Variants in BTBD10 observed in about 807,000 individuals in gnomAD.
BTBD10 encodes BTB domain containing 10, also known as BTB/POZ domain-containing protein 10.
Under a neutral mutation model 53.2 loss-of-function variants are expected in BTBD10, and 21 were observed. The ratio of observed to expected loss-of-function variants is 0.39; its 90% confidence interval spans 0.28 to 0.57. The LOEUF (loss-of-function observed/expected upper bound fraction) is 0.57. Ranked by LOEUF, BTBD10 falls within the 20% of genes least tolerant of loss-of-function variation. BTBD10 has a pLI of 0.53. For synonymous variants in BTBD10, 149 were observed against 192.7 expected, an observed-to-expected ratio of 0.77 and a Z score of 1.88; for missense variants, 360 against 594.7, an observed-to-expected ratio of 0.61 and a Z score of 4.10.
At position 13,450,533 on chromosome 11, in the gene BTBD10, A is replaced by G. The variant is rs536412523; in HGVS notation, c.-57-5352T>C. ...ACAGAAAATGTATGATATGGATATA[A>G]CCACCATGAAAATGTTTATAATTTC... On this transcript the variant is annotated intron_variant, in intron 1 of 8. Coordinates refer to ENST00000278174, the MANE Select transcript of BTBD10 (RefSeq NM_032320.7). 2.3e-3 allele frequency among the ~76,000 whole-genome samples: 357 copies of G among 152,352 alleles called. 2 individuals are homozygous for G. The highest frequency in any genetic ancestry group is 4.0e-3 in the Non-Finnish European group (271 of 68,032).
At chr11:13,460,070 CT>C (rs1204205348) in intron 1 of BTBD10, among the ~76,000 whole-genome samples, 3 of 152,220 alleles carry the variant, frequency 2.0e-5, no homozygotes, top group African/African-American at 7.2e-5. Flanking sequence ...ATCTCCTCTT[CT>C]TTCATTTCCT....
At chr11:13,408,651 T>TAA (rs761049473) in intron 6 of BTBD10, among the ~76,000 whole-genome samples, 3 of 152,186 alleles carry the variant, frequency 2.0e-5, no homozygotes, top group Admixed American at 6.5e-5. Context: ...CCATCTCAAT[T>TAA]AATGGCAACC....
intron 8 of BTBD10, among the ~76,000 whole-genome samples, chr11:13,397,506 TG>T (rs1373759249): frequency 6.6e-6 from 1 of 152,180 alleles, no homozygotes; most frequent in African/African-American, 2.4e-5. Flanking sequence ...CTGGATTCAT[TG>T]ATTTTTTGAA....
At chr11:13,453,995 T>A (rs745519866) in intron 1 of BTBD10, among the ~76,000 whole-genome samples, 3 of 151,996 alleles carry the variant, frequency 2.0e-5, no homozygotes, top group Non-Finnish European at 4.4e-5. Context: ...GAGGTTGCAG[T>A]GAGCCAAGAT....
intron 2 of BTBD10, among the ~76,000 whole-genome samples, chr11:13,436,290 T>C (rs938592063): frequency 1.3e-5 from 2 of 152,202 alleles, no homozygotes; most frequent in African/African-American, 2.4e-5. Context: ...AGGTAATTCT[T>C]TGTTGTAAAA....
At chr11:13,419,365 T>C (rs1950194599) in intron 4 of BTBD10, 95 bp downstream of exon 4, 3 of 1,465,434 alleles carry the variant, frequency 2.0e-6, no homozygotes. Context: ...AAATGTTACA[T>C]TTCAACAGAG....
chr11:13,441,332 G>T (rs1406151205), intron 2 of BTBD10, among the ~76,000 whole-genome samples: 1 of 151,996 alleles, frequency 6.6e-6, no homozygotes. Flanking sequence ...ATAAATATTT[G>T]AGATGATGGA....
Position 13,388,860 on chromosome 11 carries a change from C to G in BTBD10, c.1399G>C (p.Asp467His). 1.2e-6 allele frequency: 2 copies of G among 1,613,684 alleles called. No homozygotes were observed. The highest frequency in any genetic ancestry group is 1.7e-6 in the Non-Finnish European group (2 of 1,179,712). ...AGCATTGGATTCTGTGCATCAGGAT[C>G]GAGGTCACTGTTGCCAGAAGGGGGA... is the stretch of plus-strand genomic sequence containing the variant. ...IHPPSGNSDL[D>H]PDAQNPML Residue 467 changes from aspartate (D) to histidine (H), a missense_variant, in exon 9 of 9, where the codon GAT becomes CAT. Asp to His is a moderately conservative substitution (Grantham distance 81). Coordinates refer to ENST00000278174, the MANE Select transcript of BTBD10 (RefSeq NM_032320.7).
At chr11:13,389,709 C>G (rs1005804999) in intron 8 of BTBD10, among the ~76,000 whole-genome samples, 2 of 152,232 alleles carry the variant, frequency 1.3e-5, no homozygotes, top group African/African-American at 4.8e-5. Context: ...CAGGCGCAAG[C>G]CACCATGCCG....
intron 2 of BTBD10, among the ~76,000 whole-genome samples, chr11:13,427,128 G>A (rs964036024): frequency 6.6e-6 from 1 of 152,064 alleles, no homozygotes; most frequent in Non-Finnish European, 1.5e-5. Context: ...GAGGTGGGAG[G>A]ATCACTTGAG....
chr11:13,396,545 T>C (rs1203387679), intron 8 of BTBD10, among the ~76,000 whole-genome samples: 1 of 152,152 alleles, frequency 6.6e-6, no homozygotes, highest in Non-Finnish European at 1.5e-5. Context: ...CTTCTCCTGC[T>C]TAACTGCCCT....
chr11:13,434,599 G>C (rs924218855), intron 2 of BTBD10, among the ~76,000 whole-genome samples: 1 of 152,172 alleles, frequency 6.6e-6, no homozygotes, highest in East Asian at 1.9e-4. Context: ...AAAGGGTTTT[G>C]GCTTTTGTTT....
intron 8 of BTBD10, among the ~76,000 whole-genome samples, chr11:13,395,083 GTA>G (rs1233833655): frequency 2.7e-5 from 4 of 147,022 alleles, no homozygotes; most frequent in African/African-American, 9.8e-5. Flanking sequence ...GGGTCAAATG[GTA>G]TTTCTAGTTC....
intron 2 of BTBD10, among the ~76,000 whole-genome samples, chr11:13,423,605 A>G (rs1950283443): frequency 6.6e-6 from 1 of 152,192 alleles, no homozygotes; most frequent in South Asian, 2.1e-4. Context: ...CCCCTTTCAT[A>G]ATATTATACT....
intron 3 of BTBD10, among the ~76,000 whole-genome samples, chr11:13,421,407 T>C (rs1658596076): frequency 6.6e-6 from 1 of 152,222 alleles, no homozygotes. Flanking sequence ...CAAAGGCTTT[T>C]CAATTACTTA....
At chr11:13,392,349 G>A (rs1308124793) in intron 8 of BTBD10, among the ~76,000 whole-genome samples, 4 of 152,116 alleles carry the variant, frequency 2.6e-5, no homozygotes, top group African/African-American at 7.2e-5. Flanking sequence ...ATCATTCTAA[G>A]GAGAGAATGG....
chr11:13,422,599 G>A (rs1335678342), intron 2 of BTBD10, among the ~76,000 whole-genome samples: 9 of 151,934 alleles, frequency 5.9e-5, no homozygotes, highest in East Asian at 5.8e-4. Context: ...CCGAGATCAC[G>A]CCACTGCACT....
At chr11:13,391,425 C>A (rs1949402376) in intron 8 of BTBD10, among the ~76,000 whole-genome samples, 1 of 151,956 alleles carries the variant, frequency 6.6e-6, no homozygotes, top group Non-Finnish European at 1.5e-5. Flanking sequence ...GTTAACAATA[C>A]TTAACAGAAC....
At chr11:13,395,045 T>G (rs1238297494) in intron 8 of BTBD10, among the ~76,000 whole-genome samples, 7 of 149,286 alleles carry the variant, frequency 4.7e-5, no homozygotes, top group Non-Finnish European at 8.9e-5. Flanking sequence ...TATAGTCCTT[T>G]GGGTATATAC....
Sources: gnomAD v4.1 joint callset for allele counts (sites outside exome capture counted in the v4.1 genomes callset) on GRCh38, gnomAD v4.1.1 for gene constraint, MANE v1.5 for transcripts, NCBI Gene and HGNC (gene_info 2026-07-23, HGNC 2026-07-21) for gene names.